The following DOCK11 variants were observed in gnomAD, a reference collection of about 807,000 sequenced individuals.
DOCK11 encodes the protein dedicator of cytokinesis 11, also known as dedicator of cytokinesis protein 11.
In DOCK11, 70 loss-of-function variants were observed where a neutral mutation model predicts 169.1. The observed-to-expected ratio is 0.41, with a 90% CI of 0.34 to 0.51. The LOEUF is 0.51. Ranked by LOEUF, DOCK11 falls within the 20% of genes least tolerant of loss-of-function variation. The pLI, the probability that DOCK11 is intolerant of heterozygous loss-of-function variation, is 0.10. For synonymous variants in DOCK11, 529 were observed against 541.3 expected, an observed-to-expected ratio of 0.98 and a Z score of 0.32; for missense variants, 1,166 against 1,538.8, an observed-to-expected ratio of 0.76 and a Z score of 4.05.
At chrX:118,651,881 T>C (rs2015954783) in intron 41 of DOCK11, 83 bp from the exon 42 acceptor site, 1 of 603,668 alleles carries the variant, frequency 1.7e-6, no homozygotes, top group Non-Finnish European at 2.6e-6. Flanking sequence ...TTCATGTGAG[T>C]GCTTATATAC....
intron 19 of DOCK11, among the ~76,000 whole-genome samples, chrX:118,591,210 G>T (rs750351921): frequency 1.8e-5 from 2 of 111,674 alleles, no homozygotes; most frequent in African/African-American, 6.5e-5. Context: ...CCAGCCTTAG[G>T]CCTTGCTCAT....
At chrX:118,563,794 C>T (rs770550005) in intron 7 of DOCK11, among the ~76,000 whole-genome samples, 17 of 108,108 alleles carry the variant, frequency 1.6e-4, no homozygotes, top group African/African-American at 5.7e-4. Flanking sequence ...GCTGCAACCT[C>T]CACCTTCTGG....
rs187737419 is a variant in DOCK11, at chrX:118,673,193, T to A, written c.5199+2048T>A. 2.5e-3 allele frequency among the ~76,000 whole-genome samples: 276 copies of A among 112,209 alleles called. 4 individuals carry two copies. Among genetic ancestry groups the A allele is most frequent in the Admixed American group, 0.021 (225 of 10,599 alleles). Reference sequence around the variant, plus strand: ...CCAACAGGGAAGAAAGAAAAATATATCTTCTTTATACATTAAAGGAAATGA... The same window carrying A: ...CCAACAGGGAAGAAAGAAAAATATAACTTCTTTATACATTAAAGGAAATGA... On this transcript the variant is annotated intron_variant, in intron 46 of 52. Transcript: ENST00000276202.
At chrX:118,557,763 CAAAAAAA>C (rs773728594) in intron 6 of DOCK11, among the ~76,000 whole-genome samples, 2 of 24,337 alleles carry the variant, frequency 8.2e-5, no homozygotes, top group African/African-American at 1.9e-4. Flanking sequence ...GACTCTGTCT[CAAAAAAA>C]AAAAAAAAAA....
intron 31 of DOCK11, among the ~76,000 whole-genome samples, chrX:118,619,711 T>C (rs2147476489): frequency 9.1e-6 from 1 of 110,115 alleles, no homozygotes; most frequent in South Asian, 3.7e-4. Flanking sequence ...GTGATGGTGT[T>C]ACTATAAATA....
intron 10 of DOCK11, among the ~76,000 whole-genome samples, chrX:118,569,005 A>G (rs770277034): frequency 9.6e-4 from 105 of 109,910 alleles, no homozygotes; most frequent in African/African-American, 3.3e-3. Context: ...CGAAAATATG[A>G]AATAATTTGG....
At chrX:118,619,776 G>A (rs1255816443) in intron 31 of DOCK11, among the ~76,000 whole-genome samples, 1 of 108,768 alleles carries the variant, frequency 9.2e-6, no homozygotes, top group Admixed American at 9.9e-5. Context: ...TATGAGTAAC[G>A]GTCACAGCTA....
rs767017269 is a variant in DOCK11 at position 118,503,074 on chromosome X, C to CTTTTTTTTTT, written c.102+7008_102+7017dup. ...TAGTTCTGGAGAGAGATAACAAAGGCTTTTTTTTTTTTTTTTGAAATGGAG... is the reference window on the plus strand; with the variant it reads ...TAGTTCTGGAGAGAGATAACAAAGGCTTTTTTTTTTTTTTTTTTTTTTTTTTGAAATGGAG... On this transcript the variant is annotated intron_variant, in intron 1 of 52. Coordinates refer to ENST00000276202, the MANE Select transcript of DOCK11 (RefSeq NM_144658.4). Among the ~76,000 whole-genome samples, 2 of 90,789 alleles carry CTTTTTTTTTT rather than the reference C, an allele frequency of 2.2e-5. 1 individual carries two copies. The allele number at this position is 90,789 out of a possible 115,157, so 78.8% of individuals were successfully genotyped here. A position where few individuals can be genotyped will look rare whatever the true frequency, so the allele number is the denominator to read the frequency against.
At chrX:118,518,632 G>A (rs1308328838) in intron 1 of DOCK11, among the ~76,000 whole-genome samples, 1 of 112,129 alleles carries the variant, frequency 8.9e-6, no homozygotes, top group Non-Finnish European at 1.9e-5. Context: ...GGATGAATAA[G>A]TGAAGCAGAG....
chrX:118,641,879 A>G (rs2015542409), intron 39 of DOCK11, among the ~76,000 whole-genome samples: 1 of 111,610 alleles, frequency 9.0e-6, no homozygotes, highest in Non-Finnish European at 1.9e-5. Flanking sequence ...GTAAGAACTC[A>G]AAGGTGAAAA....
chrX:118,636,817 G>A (rs2015399277), intron 36 of DOCK11, among the ~76,000 whole-genome samples: 1 of 102,239 alleles, frequency 9.8e-6, no homozygotes, highest in Non-Finnish European at 2.0e-5. Context: ...ATGTGTCTGT[G>A]TATTTGTGTG....
intron 46 of DOCK11, among the ~76,000 whole-genome samples, chrX:118,672,665 G>A (rs1052203866): frequency 1.8e-5 from 2 of 112,733 alleles, no homozygotes; most frequent in African/African-American, 3.2e-5. Context: ...TCGATCTCCT[G>A]ACCTTGTGAT....
intron 47 of DOCK11, 65 bp downstream of exon 47, chrX:118,676,114 T>G (rs2016603184): frequency 1.6e-5 from 12 of 733,007 alleles, no homozygotes; most frequent in Middle Eastern, 3.9e-4. Flanking sequence ...ACTAGTTTAC[T>G]ATAGCAGCTA....
At chrX:118,613,270 G>A (rs2014728192) in intron 28 of DOCK11, among the ~76,000 whole-genome samples, 1 of 112,101 alleles carries the variant, frequency 8.9e-6, no homozygotes, top group Non-Finnish European at 1.9e-5. Context: ...AAATAAATAT[G>A]AGCCTCACTC....
chrX:118,508,049 G>A (rs1794143270), intron 1 of DOCK11, among the ~76,000 whole-genome samples: 1 of 103,408 alleles, frequency 9.7e-6, no homozygotes, highest in African/African-American at 3.6e-5. Flanking sequence ...TGGGAAAGTA[G>A]GAGGTGAGGA....
rs755043875 is a variant in DOCK11, at chrX:118,630,534, C to G, written c.3886+44C>G. On this transcript the variant is annotated intron_variant, in intron 35 of 52. Transcript: ENST00000276202. Reference sequence around the variant, plus strand: ...AAGCATGGACTGTACTAGACATACACCCTCACAGGTTCACAAATTCATGCA... The same window carrying G: ...AAGCATGGACTGTACTAGACATACAGCCTCACAGGTTCACAAATTCATGCA... 42 of 838,179 alleles carry G rather than the reference C, an allele frequency of 5.0e-5. No homozygotes were observed. The Admixed American group carries it at 1.0e-3, about 20-fold the overall frequency. 69.1% of individuals were successfully genotyped at this position (838,179 alleles called of 1,213,427 possible). A position where few individuals can be genotyped will look rare whatever the true frequency, so the allele number is the denominator to read the frequency against.
intron 3 of DOCK11, among the ~76,000 whole-genome samples, 184 bp downstream of exon 3, chrX:118,543,199 T>G (rs1243562463): frequency 8.9e-6 from 1 of 112,579 alleles, no homozygotes; most frequent in Non-Finnish European, 1.9e-5. Flanking sequence ...ATAACAAGTT[T>G]ATATGCTGTT....
chrX:118,654,274 A>G (rs2016013393), intron 42 of DOCK11, among the ~76,000 whole-genome samples: 1 of 112,023 alleles, frequency 8.9e-6, no homozygotes, highest in Non-Finnish European at 1.9e-5. Flanking sequence ...GTTTTTAGTT[A>G]CTGTTACAAG....
chrX:118,627,620 T>G, intron 33 of DOCK11, 41 bp downstream of exon 33: 1 of 965,894 alleles, frequency 1.0e-6, no homozygotes, highest in Non-Finnish European at 1.5e-6. Context: ...CGTGGGTGTT[T>G]AGACATGTAC....
Sources: gnomAD v4.1 joint callset for allele counts (sites outside exome capture counted in the v4.1 genomes callset) on GRCh38, gnomAD v4.1.1 for gene constraint, MANE v1.5 for transcripts, NCBI Gene and HGNC (gene_info 2026-07-23, HGNC 2026-07-21) for gene names.